The following CMTR1 variants were observed in gnomAD, a reference collection of about 807,000 sequenced individuals.
CMTR1 encodes cap-specific mRNA (nucleoside-2'-O-)-methyltransferase 1.
Under a neutral mutation model 107.0 loss-of-function variants are expected in CMTR1, and 39 were observed. That is an observed-to-expected ratio of 0.36 (90% CI 0.28 to 0.48). The LOEUF (loss-of-function observed/expected upper bound fraction) is 0.48, where lower values mean the gene tolerates loss of function less well. Ranked by LOEUF, CMTR1 falls within the 20% of genes least tolerant of loss-of-function variation. CMTR1 has a pLI of 0.99. For synonymous variants in CMTR1, 366 were observed against 379.5 expected, an observed-to-expected ratio of 0.96 and a Z score of 0.41; for missense variants, 672 against 1,064.9, an observed-to-expected ratio of 0.63 and a Z score of 5.14.
intron 8 of CMTR1, among the ~76,000 whole-genome samples, chr6:37,454,779 A>G (rs1487671662): frequency 6.6e-6 from 1 of 152,106 alleles, no homozygotes; most frequent in African/African-American, 2.4e-5. Flanking sequence ...TCTATGCTTC[A>G]CTATAAAAAA....
Position 37,481,265 on chromosome 6 carries a change from C to G in CMTR1, c.*1120C>G. 2 of 1,270,888 alleles carry G rather than the reference C, an allele frequency of 1.6e-6. No homozygotes were observed. The highest frequency in any genetic ancestry group is 2.6e-5 in the South Asian group (2 of 75,710). 78.7% of individuals were successfully genotyped at this position (1,270,888 alleles called of 1,614,324 possible). A position where few individuals can be genotyped will look rare whatever the true frequency, so the allele number is the denominator to read the frequency against. On this transcript the variant is annotated 3_prime_UTR_variant, in exon 24 of 24. Transcript: ENST00000373451. ...GTTGTTTTTAATGGGAAATACCTCT[C>G]AGAGATGTTCATGCAGGCTCCCTAG...
Position 37,461,400 on chromosome 6 carries a change from A to C in CMTR1, c.1096-149A>C, listed in dbSNP as rs1161743690. On this transcript the variant is annotated intron_variant, in intron 10 of 23. Coordinates refer to ENST00000373451, the MANE Select transcript of CMTR1 (RefSeq NM_015050.3). ...ATCTAACAAGCCCAGTGACCTTCTA[A>C]AATAACTCAACACTGAGCTGCTTCT... is the stretch of plus-strand genomic sequence containing the variant. 12 of 517,304 alleles carry C rather than the reference A, an allele frequency of 2.3e-5. No homozygotes were observed. In the East Asian group the frequency reaches 3.8e-4, roughly 16 times the overall value. The allele number at this position is 517,304 out of a possible 1,614,324, so 32.0% of individuals were successfully genotyped here. A position where few individuals can be genotyped will look rare whatever the true frequency, so the allele number is the denominator to read the frequency against.
In CMTR1 at chr6:37,435,763, G is replaced by A; in HGVS notation, c.133+1G>A. 1 of 1,588,518 alleles carries A rather than the reference G, an allele frequency of 6.3e-7. No homozygotes were observed. On this transcript the variant is annotated splice_donor_variant, in intron 2 of 23. Coordinates refer to ENST00000373451, the MANE Select transcript of CMTR1 (RefSeq NM_015050.3). LOFTEE classifies it high-confidence loss of function. ...TCCTCTGTCAGTCATGGAGCAAAAG[G>A]TACGTGTGCTTGTGTGGTCTGAGGC...
At position 37,481,192 on chromosome 6, in the gene CMTR1, G is replaced by A. The variant is rs1333170930; in HGVS notation, c.*1047G>A. The A allele has an allele frequency of 2.3e-6, 3 of 1,303,362 alleles. No individual in the cohort carries two copies. The highest frequency in any genetic ancestry group is 1.2e-5 in the South Asian group (1 of 80,942). The allele number at this position is 1,303,362 out of a possible 1,614,324, so 80.7% of individuals were successfully genotyped here. A position where few individuals can be genotyped will look rare whatever the true frequency, so the allele number is the denominator to read the frequency against. ...CCTTTATCTTGGCCGACAACACAGA[G>A]AGGAGGGGGAGCTGGGCAGTAGCTT... is the stretch of plus-strand genomic sequence containing the variant. On this transcript the variant is annotated 3_prime_UTR_variant, in exon 24 of 24. Coordinates refer to ENST00000373451, the MANE Select transcript of CMTR1 (RefSeq NM_015050.3).
At position 37,479,348 on chromosome 6, in the gene CMTR1, C is replaced by T. The variant is rs1165737206; in HGVS notation, c.2375+93C>T. The T allele has an allele frequency of 7.7e-6, 7 of 904,068 alleles. No homozygotes were observed. In the African/African-American group the frequency reaches 8.2e-5, roughly 11 times the overall value. The allele number at this position is 904,068 out of a possible 1,614,324, so 56.0% of individuals were successfully genotyped here. Reference sequence around the variant, plus strand: ...CTGTCTTGGGGGCACACCCTGGGTCCTGAGACTGTTGCCCATGCAGGGGTT... The same window carrying T: ...CTGTCTTGGGGGCACACCCTGGGTCTTGAGACTGTTGCCCATGCAGGGGTT... On this transcript the variant is annotated intron_variant, in intron 23 of 23. Coordinates refer to ENST00000373451, the MANE Select transcript of CMTR1 (RefSeq NM_015050.3).
intron 3 of CMTR1, 145 bp from the exon 4 acceptor site, chr6:37,446,146 C>A: frequency 1.1e-6 from 1 of 892,686 alleles, no homozygotes; most frequent in Non-Finnish European, 1.7e-6. Flanking sequence ...TTTATTTATG[C>A]TTCTTTTCTT....
chr6:37,430,960 C>T (rs1370455505), upstream of CMTR1, among the ~76,000 whole-genome samples: 13 of 133,546 alleles, frequency 9.7e-5, no homozygotes, highest in Admixed American at 1.1e-3. Flanking sequence ...TTGCAGTGAG[C>T]GGAGATTGTG....
chr6:37,425,164 G>C, the CMTR1 span, among the ~76,000 whole-genome samples: 2 of 151,502 alleles, frequency 1.3e-5, no homozygotes, highest in Admixed American at 6.6e-5. Context: ...GGCTGGTCTC[G>C]AACTCCTGAC....
At chr6:37,478,329 G>C (rs1761781168) in intron 21 of CMTR1, 80 bp from the exon 22 acceptor site, 1 of 1,084,222 alleles carries the variant, frequency 9.2e-7, no homozygotes, top group Admixed American at 1.7e-5. Context: ...CTGCAGTTGG[G>C]GTGATTTTAT....
chr6:37,463,425 A>G (rs983610312), intron 13 of CMTR1, among the ~76,000 whole-genome samples: 3 of 152,320 alleles, frequency 2.0e-5, no homozygotes, highest in Non-Finnish European at 4.4e-5. Flanking sequence ...ATGCTTTGGA[A>G]GTGCCCAAAC....
chr6:37,471,951 A>G (rs1182971246), intron 15 of CMTR1, 47 bp downstream of exon 15: 7 of 1,578,490 alleles, frequency 4.4e-6, no homozygotes, highest in African/African-American at 1.3e-5. Flanking sequence ...GGGAAGCCAT[A>G]GAGAAGAATG....
intron 13 of CMTR1, among the ~76,000 whole-genome samples, chr6:37,466,693 C>T (rs1296986932): frequency 1.3e-5 from 2 of 152,102 alleles, no homozygotes; most frequent in African/African-American, 2.4e-5. Context: ...GTTTTTAGTA[C>T]TGTAGCTTTG....
chr6:37,446,468 AG>A lies in CMTR1; in HGVS notation c.444+21del. ...GCCAGAGGTAAGTGTTAAAGTGAGGAGGAGATGGAAAAGCCACTTGTGTTTT... is the reference window on the plus strand; with the variant it reads ...GCCAGAGGTAAGTGTTAAAGTGAGGAGAGATGGAAAAGCCACTTGTGTTTT... On this transcript the variant is annotated intron_variant, in intron 4 of 23. Coordinates refer to ENST00000373451, the MANE Select transcript of CMTR1 (RefSeq NM_015050.3). 2 of 1,597,678 alleles carry A rather than the reference AG, an allele frequency of 1.3e-6. No individual in the cohort carries two copies. The highest frequency in any genetic ancestry group is 1.7e-6 in the Non-Finnish European group (2 of 1,174,060).
chr6:37,476,185 A>G lies in CMTR1; in HGVS notation c.2096A>G (p.Asn699Ser), dbSNP rs200566231. ...TCCAAGCCTAGTCGGCCCGACATGA[A>G]TCCCATCAGGTGAGCATGTGGTCCC... is the stretch of plus-strand genomic sequence containing the variant. ...AVSKPSRPDM[N>S]PIRVKEVYRL... The change falls in exon 20 of 24, where the codon AAT becomes AGT. Residue 699 changes from asparagine to serine, a missense_variant. Around this residue, in one of 2 missense-constraint regions of CMTR1, gnomAD observed 583 missense variants for 968.4 expected, o/e 0.60. Coordinates refer to ENST00000373451, the MANE Select transcript of CMTR1 (RefSeq NM_015050.3). 39 of 1,613,884 alleles carry G rather than the reference A, an allele frequency of 2.4e-5. No individual in the cohort carries two copies. The highest frequency in any genetic ancestry group is 3.2e-5 in the Non-Finnish European group (38 of 1,179,956).
chr6:37,428,038 G>C, the CMTR1 span, among the ~76,000 whole-genome samples: 7 of 149,634 alleles, frequency 4.7e-5, no homozygotes, highest in African/African-American at 1.7e-4. Flanking sequence ...GAGAGAGAGA[G>C]AGAGAGAGAG....
intron 5 of CMTR1, among the ~76,000 whole-genome samples, chr6:37,451,480 C>T (rs1761172268): frequency 6.6e-6 from 1 of 152,194 alleles, no homozygotes. Flanking sequence ...CCCCATCCTT[C>T]TGCCTCCATG....
At chr6:37,460,964 AAATACC>A (rs1366785187) in intron 10 of CMTR1, among the ~76,000 whole-genome samples, 27 of 152,314 alleles carry the variant, frequency 1.8e-4, no homozygotes, top group Middle Eastern at 3.4e-3. Flanking sequence ...TTCTTTCAGT[AAATACC>A]CTGGCCAGAG....
intron 4 of CMTR1, among the ~76,000 whole-genome samples, chr6:37,448,046 T>TA (rs1771840252): frequency 6.6e-6 from 1 of 151,340 alleles, no homozygotes; most frequent in East Asian, 1.9e-4. Context: ...CCGTCTCTAC[T>TA]AAAAAATACA....
At chr6:37,447,943 G>A (rs1771837458) in intron 4 of CMTR1, among the ~76,000 whole-genome samples, 1 of 151,772 alleles carries the variant, frequency 6.6e-6, no homozygotes, top group South Asian at 2.1e-4. Flanking sequence ...AGGCATGGTG[G>A]CTCACGCCTG....
Sources: gnomAD v4.1 joint callset for allele counts (sites outside exome capture counted in the v4.1 genomes callset) on GRCh38, gnomAD v4.1.1 for gene constraint, gnomAD v4.1.1 regional missense constraint, MANE v1.5 for transcripts, NCBI Gene and HGNC (gene_info 2026-07-23, HGNC 2026-07-21) for gene names.